BBS9: variants seen among roughly 807,000 people sequenced by gnomAD.
BBS9 encodes the protein Bardet-Biedl syndrome 9.
Under a neutral mutation model 117.7 loss-of-function variants are expected in BBS9, and 89 were observed. The ratio of observed to expected loss-of-function variants is 0.76; its 90% CI spans 0.64 to 0.90. BBS9 has a LOEUF of 0.90. Ranked by LOEUF, BBS9 falls within the 40% of genes least tolerant of loss-of-function variation. The pLI is 0.00. For missense variants in BBS9, 982 were observed against 1,042.2 expected, an observed-to-expected ratio of 0.94 and a Z score of 0.80; for synonymous variants, 379 against 370.9, an observed-to-expected ratio of 1.02 and a Z score of -0.25.
intron 19 of BBS9, among the ~76,000 whole-genome samples, chr7:33,391,515 C>T (rs1426861458): frequency 6.6e-6 from 1 of 152,184 alleles, no homozygotes; most frequent in Non-Finnish European, 1.5e-5. Flanking sequence ...AAAATGCCTG[C>T]TTTCCTAGGT....
intron 20 of BBS9, among the ~76,000 whole-genome samples, chr7:33,530,174 T>G (rs957951593): frequency 6.6e-6 from 1 of 152,222 alleles, no homozygotes; most frequent in Admixed American, 6.5e-5. Context: ...AGTTTTATAT[T>G]TGAATTTATG....
intron 9 of BBS9, among the ~76,000 whole-genome samples, chr7:33,321,079 T>C (rs1811615609): frequency 6.6e-6 from 1 of 152,106 alleles, no homozygotes; most frequent in African/African-American, 2.4e-5. Flanking sequence ...TTCTCTCTTC[T>C]GTTCCATTGG....
chr7:33,401,287 T>A (rs1242016755), intron 19 of BBS9, among the ~76,000 whole-genome samples: 1 of 152,210 alleles, frequency 6.6e-6, no homozygotes, highest in Non-Finnish European at 1.5e-5. Context: ...TCCCTCCATC[T>A]TTTTTCCCAC....
chr7:33,549,593 C>A (rs532907753), intron 21 of BBS9, among the ~76,000 whole-genome samples: 5 of 150,316 alleles, frequency 3.3e-5, no homozygotes, highest in Middle Eastern at 3.4e-3. Flanking sequence ...AAAAAACAAA[C>A]AACCACATCA....
intron 19 of BBS9, among the ~76,000 whole-genome samples, chr7:33,448,857 A>G (rs955398898): frequency 1.3e-5 from 2 of 152,246 alleles, no homozygotes; most frequent in Admixed American, 6.5e-5. Flanking sequence ...TAAGAAAAAT[A>G]GTTAACATTT....
chr7:33,510,154 A>G (rs1846722447), intron 20 of BBS9, among the ~76,000 whole-genome samples: 1 of 152,112 alleles, frequency 6.6e-6, no homozygotes, highest in South Asian at 2.1e-4. Flanking sequence ...TCCTGTGATG[A>G]TAAAGAAGTG....
chr7:33,256,861 C>G (rs150789445), intron 5 of BBS9, among the ~76,000 whole-genome samples: 1 of 152,086 alleles, frequency 6.6e-6, no homozygotes, highest in Non-Finnish European at 1.5e-5. Context: ...CTAGATCTTT[C>G]TCAGATTAGG....
At position 33,496,854 on chromosome 7, in the gene BBS9, T is replaced by C. The variant is rs6955317; in HGVS notation, c.2116-8609T>C. 1.2e-3 allele frequency among the ~76,000 whole-genome samples: 181 copies of C among 152,386 alleles called. 1 individual carries two copies. Among genetic ancestry groups the C allele is most frequent in the African/African-American group, 4.2e-3 (174 of 41,594 alleles). On this transcript the variant is annotated intron_variant, in intron 19 of 22. Coordinates refer to ENST00000242067, the MANE Select transcript of BBS9 (RefSeq NM_198428.3). ...CATCTCCATGCCGTTTCTTTTTCAT[T>C]TGAGCCCTATTTCATTGTTTTTGGT... is the stretch of plus-strand genomic sequence containing the variant.
chr7:33,626,810 C>T (rs1402073387), intron 21 of BBS9, among the ~76,000 whole-genome samples: 1 of 152,202 alleles, frequency 6.6e-6, no homozygotes, highest in African/African-American at 2.4e-5. Context: ...TGCCTGGCTG[C>T]TTCTAACAGT....
chr7:33,338,246 G>A (rs1439218969), intron 10 of BBS9, among the ~76,000 whole-genome samples: 2 of 151,874 alleles, frequency 1.3e-5, no homozygotes, highest in Non-Finnish European at 2.9e-5. Flanking sequence ...AAACTGAGAG[G>A]TATTTAAAAC....
At chr7:33,339,349 A>G (rs1458634593) in intron 10 of BBS9, among the ~76,000 whole-genome samples, 1 of 152,210 alleles carries the variant, frequency 6.6e-6, no homozygotes, top group African/African-American at 2.4e-5. Context: ...TGGCTGGGGA[A>G]TTACATGACT....
chr7:33,238,248 G>A (rs371490602), intron 5 of BBS9, among the ~76,000 whole-genome samples: 4 of 152,146 alleles, frequency 2.6e-5, no homozygotes, highest in Admixed American at 1.3e-4. Context: ...TCAGTCATTG[G>A]TGGGGCCTGA....
chr7:33,479,058 C>A (rs1842178329), intron 19 of BBS9, among the ~76,000 whole-genome samples: 1 of 152,136 alleles, frequency 6.6e-6, no homozygotes, highest in South Asian at 2.1e-4. Flanking sequence ...GCAAGCAGTT[C>A]TGTCTTTTCA....
At chr7:33,479,495 C>A (rs74552946) in intron 19 of BBS9, among the ~76,000 whole-genome samples, 6,427 of 152,120 alleles carry the variant, frequency 0.042, 185 homozygotes, top group East Asian at 0.13. Flanking sequence ...GCAACATTTT[C>A]TTTGTACAAT....
chr7:33,172,152 G>A (rs185806822), intron 4 of BBS9, among the ~76,000 whole-genome samples: 10 of 152,210 alleles, frequency 6.6e-5, no homozygotes, highest in African/African-American at 2.4e-4. Flanking sequence ...AGGCCGAGGT[G>A]GGCCGATCAT....
intron 4 of BBS9, among the ~76,000 whole-genome samples, chr7:33,175,082 A>T (rs2005882): frequency 0.99 from 151,422 of 152,324 alleles, 75,262 homozygotes; most frequent in East Asian, 1. Flanking sequence ...GGCGAGTGGA[A>T]CACCTGAGGT....
chr7:33,352,965 T>C, intron 15 of BBS9, 92 bp downstream of exon 15: 1 of 1,327,702 alleles, frequency 7.5e-7, no homozygotes, highest in Non-Finnish European at 1.1e-6. Context: ...ACTCTTTTTA[T>C]GGACTGCTCT....
intron 21 of BBS9, among the ~76,000 whole-genome samples, chr7:33,547,486 A>C (rs1191375840): frequency 1.3e-5 from 2 of 152,234 alleles, no homozygotes; most frequent in African/African-American, 4.8e-5. Context: ...GCATTTGAGA[A>C]GAGAAAAAGT....
At chr7:33,133,363 T>C (rs758978484) in intron 1 of BBS9, among the ~76,000 whole-genome samples, 72 of 152,212 alleles carry the variant, frequency 4.7e-4, no homozygotes, top group Non-Finnish European at 4.1e-4. Context: ...AATATTTTTA[T>C]CAACTCAAAA....
Sources: gnomAD v4.1 joint callset for allele counts (sites outside exome capture counted in the v4.1 genomes callset) on GRCh38, gnomAD v4.1.1 for gene constraint, MANE v1.5 for transcripts, NCBI Gene and HGNC (gene_info 2026-07-23, HGNC 2026-07-21) for gene names.